DCDC2C: variants seen among roughly 807,000 people sequenced by gnomAD.
DCDC2C encodes the protein doublecortin domain-containing protein 2C.
A neutral mutation model predicts 45.0 loss-of-function variants in DCDC2C; 44 were observed. The observed-to-expected ratio is 0.98, with a 90% CI of 0.77 to 1.26. The LOEUF (loss-of-function observed/expected upper bound fraction) is 1.26, where lower values mean the gene tolerates loss of function less well. DCDC2C is among the 50% of genes most tolerant of loss of function. DCDC2C has a pLI of 0.00. For missense variants in DCDC2C, 447 were observed against 468.9 expected, an observed-to-expected ratio of 0.95 and a Z score of 0.43; for synonymous variants, 187 against 178.8, an observed-to-expected ratio of 1.05 and a Z score of -0.37.
chr2:3,790,953 A>T (rs956688955), intron 10 of DCDC2C, among the ~76,000 whole-genome samples: 5 of 151,840 alleles, frequency 3.3e-5, no homozygotes, highest in East Asian at 3.9e-4. Context: ...CTAAAAATAT[A>T]AAAAAAATGA....
intron 2 of DCDC2C, among the ~76,000 whole-genome samples, chr2:3,719,791 CTA>C (rs1287284764): frequency 6.6e-6 from 1 of 152,226 alleles, no homozygotes; most frequent in Admixed American, 6.5e-5. Context: ...AATGAAGAAA[CTA>C]TAGACAGTAG....
intron 1 of DCDC2C, among the ~76,000 whole-genome samples, chr2:3,706,541 C>T (rs1412116394): frequency 3.8e-5 from 5 of 130,880 alleles, no homozygotes; most frequent in Admixed American, 2.2e-4. Context: ...TATGTGTGCA[C>T]GCATGTGTGT....
intron 6 of DCDC2C, among the ~76,000 whole-genome samples, chr2:3,757,667 T>G (rs1669758946): frequency 6.6e-6 from 1 of 152,042 alleles, no homozygotes; most frequent in African/African-American, 2.4e-5. Context: ...CAAAGATGAG[T>G]GGAGTGTAAG....
At chr2:3,722,411 G>A (rs1668526489) in intron 2 of DCDC2C, among the ~76,000 whole-genome samples, 1 of 152,234 alleles carries the variant, frequency 6.6e-6, no homozygotes, top group Admixed American at 6.5e-5. Flanking sequence ...TGGTTATGTT[G>A]AGGGTTAGGT....
At position 3,754,614 on chromosome 2, in the gene DCDC2C, A is replaced by T. The variant is rs1452235489; in HGVS notation, c.706A>T (p.Asn236Tyr). ...CAGAAGGTATGCGAATGTTGAAAAA[A>T]ACTCACAGAGAAAGAAAAAAGTAAG... ...VQQRYANVEK[N>Y]SQRKKKVDSK... is the part of the protein sequence containing the mutation. Residue 236 changes from asparagine to tyrosine, a missense_variant, in exon 6 of 11, where the codon AAC becomes TAC. Coordinates refer to ENST00000399143, the MANE Select transcript of DCDC2C (RefSeq NM_001287444.2). The T allele has an allele frequency of 6.5e-7, 1 of 1,549,644 alleles. No homozygotes were observed. The highest frequency in any genetic ancestry group is 1.4e-5 in the African/African-American group (1 of 73,006).
intron 10 of DCDC2C, among the ~76,000 whole-genome samples, chr2:3,788,780 CCCTTTCTT>C (rs771615231): frequency 0.16 from 21,242 of 135,568 alleles, 1,730 homozygotes; most frequent in East Asian, 0.23. Context: ...TCTTCCGTTT[CCCTTTCTT>C]CCTCCCTTCC....
intron 10 of DCDC2C, among the ~76,000 whole-genome samples, chr2:3,835,113 G>T (rs1308915964): frequency 6.6e-6 from 1 of 152,134 alleles, no homozygotes; most frequent in East Asian, 1.9e-4. Flanking sequence ...CAATGGAAGT[G>T]CTTCTCCACT....
chr2:3,777,971 C>CA (rs1670393645), intron 8 of DCDC2C, among the ~76,000 whole-genome samples: 1 of 151,958 alleles, frequency 6.6e-6, no homozygotes, highest in Non-Finnish European at 1.5e-5. Flanking sequence ...GTGTGATTTC[C>CA]CACACCGCAT....
rs1237690042 is a variant in DCDC2C at position 3,734,415 on chromosome 2, A to G, written c.416+7336A>G. Among the ~76,000 whole-genome samples the G allele has an allele frequency of 1.3e-5, 2 of 152,230 alleles. No homozygotes were observed. Among genetic ancestry groups the G allele is most frequent in the Admixed American group, 1.3e-4 (2 of 15,286 alleles). On this transcript the variant is annotated intron_variant, in intron 3 of 10. Transcript: ENST00000399143. The surrounding 1 kb of genome is among the most constrained non-coding windows in gnomAD (Gnocchi z 4.2). ...GAATCTAATCTAGGATGAGACAATC[A>G]TCTGATGTTGGTGACACGGGTGTCA...
At chr2:3,711,413 T>A (rs1179363810) in intron 2 of DCDC2C, among the ~76,000 whole-genome samples, 1 of 151,844 alleles carries the variant, frequency 6.6e-6, no homozygotes, top group Non-Finnish European at 1.5e-5. Flanking sequence ...AATGACAGAC[T>A]GGATTAAAAA....
intron 10 of DCDC2C, among the ~76,000 whole-genome samples, chr2:3,831,195 AAAG>A (rs1257435961): frequency 6.6e-6 from 1 of 152,150 alleles, no homozygotes; most frequent in African/African-American, 2.4e-5. Flanking sequence ...AAATGATCCT[AAAG>A]AAGTTGTCAC....
chr2:3,833,170 G>A (rs1671993804), intron 10 of DCDC2C, among the ~76,000 whole-genome samples: 2 of 152,160 alleles, frequency 1.3e-5, no homozygotes, highest in Admixed American at 1.3e-4. Flanking sequence ...CTTCTCTTCT[G>A]TCTTCCTCGT....
intron 4 of DCDC2C, among the ~76,000 whole-genome samples, chr2:3,744,361 G>C (rs1364533847): frequency 6.6e-6 from 1 of 152,192 alleles, no homozygotes. Context: ...GTGCAGATTA[G>C]AGGAAGGTGA....
chr2:3,800,643 CGCACCAG>C (rs1671090927), intron 10 of DCDC2C, among the ~76,000 whole-genome samples: 3 of 123,972 alleles, frequency 2.4e-5, no homozygotes, highest in African/African-American at 2.5e-5. Flanking sequence ...GGCTTCAATG[CGCACCAG>C]AAGTGCTTCA....
chr2:3,738,540 GA>G (rs60799536), intron 3 of DCDC2C, among the ~76,000 whole-genome samples: 2,523 of 71,628 alleles, frequency 0.035, 16 homozygotes, highest in Middle Eastern at 0.053. Flanking sequence ...GTCTATCTGG[GA>G]AAAAAAAAAA....
chr2:3,785,704 G>A (rs1670634590), intron 10 of DCDC2C, among the ~76,000 whole-genome samples: 1 of 152,186 alleles, frequency 6.6e-6, no homozygotes, highest in African/African-American at 2.4e-5. Context: ...TGAGTTGGTA[G>A]ATGACTAAGT....
intron 10 of DCDC2C, among the ~76,000 whole-genome samples, chr2:3,811,654 TA>T (rs1431232004): frequency 6.6e-6 from 1 of 152,214 alleles, no homozygotes; most frequent in African/African-American, 2.4e-5. Context: ...CCTTGGCTTG[TA>T]CTGGTTTTCA....
intron 6 of DCDC2C, among the ~76,000 whole-genome samples, chr2:3,758,968 G>A (rs1202114414): frequency 6.6e-6 from 1 of 152,232 alleles, no homozygotes; most frequent in African/African-American, 2.4e-5. Flanking sequence ...GCAAACCTGT[G>A]TGCAGCCTGA....
chr2:3,826,955 C>G (rs541014722), intron 10 of DCDC2C, among the ~76,000 whole-genome samples: 156 of 151,602 alleles, frequency 1.0e-3, no homozygotes, highest in Middle Eastern at 0.01. Flanking sequence ...CTCCCTCCCT[C>G]TCTTCTTCCC....
Sources: gnomAD v4.1 joint callset for allele counts (sites outside exome capture counted in the v4.1 genomes callset) on GRCh38, gnomAD v4.1.1 for gene constraint, Gnocchi (gnomAD v3.1) non-coding constraint, MANE v1.5 for transcripts, NCBI Gene and HGNC (gene_info 2026-07-23, HGNC 2026-07-21) for gene names.